The following SLC4A4 variants were observed in gnomAD, a reference collection of about 807,000 sequenced individuals.
SLC4A4 encodes electrogenic sodium bicarbonate cotransporter 1.
Under a neutral mutation model 111.5 loss-of-function variants are expected in SLC4A4, and 27 were observed. The ratio of observed to expected loss-of-function variants is 0.24; its 90% confidence interval spans 0.18 to 0.33. SLC4A4 has a LOEUF of 0.33. SLC4A4 is among the 10% of genes least tolerant of loss of function. The pLI is 1.00. For synonymous variants in SLC4A4, 443 were observed against 463.4 expected, an observed-to-expected ratio of 0.96 and a Z score of 0.57; for missense variants, 909 against 1,315.5, an observed-to-expected ratio of 0.69 and a Z score of 4.78.
chr4:71,313,321 A>G lies in SLC4A4; in HGVS notation c.254-26049A>G, dbSNP rs572332245. 5.9e-5 allele frequency among the ~76,000 whole-genome samples: 9 copies of G among 152,372 alleles called. No individual in the cohort carries two copies. The South Asian group carries it at 1.7e-3, about 28-fold the overall frequency. ...ACAACATTCCATGCTCATGGATACA[A>G]GAATCAATATCGTGAAAATGGCCAT... On this transcript the variant is annotated intron_variant, in intron 3 of 25. Coordinates refer to ENST00000264485, the MANE Select transcript of SLC4A4 (RefSeq NM_001098484.3).
intron 3 of SLC4A4, chr4:71,301,236 G>T: frequency 4.1e-6 from 1 of 243,498 alleles, no homozygotes; most frequent in Non-Finnish European, 8.2e-6. Flanking sequence ...AAGGGGAGTG[G>T]GATTGCAACA....
intron 2 of SLC4A4, among the ~76,000 whole-genome samples, chr4:71,180,318 A>G (rs1369638279): frequency 6.6e-6 from 1 of 152,226 alleles, no homozygotes; most frequent in East Asian, 1.9e-4. Context: ...AAAACACCAA[A>G]AGCAATGGCA....
chr4:71,349,796 A>G (rs1024416637), intron 4 of SLC4A4, 116 bp from the exon 5 acceptor site: 3 of 878,164 alleles, frequency 3.4e-6, no homozygotes, highest in South Asian at 2.9e-5. Flanking sequence ...TTAATACTCC[A>G]CAAAAAGAGA....
chr4:71,269,562 G>A (rs1259716444), intron 3 of SLC4A4, among the ~76,000 whole-genome samples: 1 of 151,812 alleles, frequency 6.6e-6, no homozygotes, highest in Non-Finnish European at 1.5e-5. Flanking sequence ...CTTCTTTTTG[G>A]CATATTGCAT....
chr4:71,175,001 TC>T (rs1317262174), intron 2 of SLC4A4, among the ~76,000 whole-genome samples: 1 of 152,232 alleles, frequency 6.6e-6, no homozygotes, highest in East Asian at 1.9e-4. Flanking sequence ...GGTTAGACAT[TC>T]TAGTCTTGTC....
intron 8 of SLC4A4, among the ~76,000 whole-genome samples, chr4:71,446,351 C>G (rs1725228206): frequency 6.6e-6 from 1 of 152,108 alleles, no homozygotes. Context: ...CCATAAAAAT[C>G]TTACCTAAGA....
At chr4:71,191,242 A>G (rs1745720156) in intron 1 of SLC4A4, among the ~76,000 whole-genome samples, 1 of 152,228 alleles carries the variant, frequency 6.6e-6, no homozygotes, top group Non-Finnish European at 1.5e-5. Context: ...CCCACCGTAC[A>G]TTTAGGAGCC....
intron 16 of SLC4A4, among the ~76,000 whole-genome samples, chr4:71,505,424 G>C (rs986742176): frequency 5.3e-5 from 8 of 150,556 alleles, no homozygotes; most frequent in African/African-American, 1.9e-4. Context: ...TTGCAGTTTT[G>C]ATTTGCATTT....
At chr4:71,081,930 CT>C (rs1480233567) in intron 1 of SLC4A4, among the ~76,000 whole-genome samples, 30 of 152,058 alleles carry the variant, frequency 2.0e-4, no homozygotes, top group Non-Finnish European at 2.8e-4. Flanking sequence ...AAACATATGG[CT>C]GGAATGCCTG....
chr4:71,233,418 T>C (rs1489204906), intron 1 of SLC4A4: 1 of 419,948 alleles, frequency 2.4e-6, no homozygotes, highest in Non-Finnish European at 3.2e-6. Context: ...AGTACTCTCC[T>C]TTTGTCACTT....
intron 3 of SLC4A4, 138 bp downstream of exon 3, chr4:71,255,537 G>A: frequency 1.0e-6 from 1 of 962,586 alleles, no homozygotes; most frequent in Admixed American, 1.7e-5. Flanking sequence ...AAAGGATAAT[G>A]TCTGTGGAGA....
At chr4:71,443,861 A>C (rs974556749) in intron 8 of SLC4A4, among the ~76,000 whole-genome samples, 1 of 152,144 alleles carries the variant, frequency 6.6e-6, no homozygotes, top group Non-Finnish European at 1.5e-5. Flanking sequence ...AAAAACTTAG[A>C]GGGATTGGGA....
Position 71,358,502 on chromosome 4 carries a change from GA to G in SLC4A4, c.730+1320del, listed in dbSNP as rs200459232. Among the ~76,000 whole-genome samples, 834 of 152,220 alleles carry G rather than the reference GA, an allele frequency of 5.5e-3. 2 individuals are homozygous for G. The highest frequency in any genetic ancestry group is 7.1e-3 in the Non-Finnish European group (480 of 68,010). ...TAGTATTAAAGGTAACTGTTGGCTG[GA>G]AAAACACTACAAGCAGATTTTCTGT... is the stretch of plus-strand genomic sequence containing the variant. On this transcript the variant is annotated intron_variant, in intron 6 of 25. Coordinates refer to ENST00000264485, the MANE Select transcript of SLC4A4 (RefSeq NM_001098484.3).
At chr4:71,287,527 T>A (rs1724014649) in intron 3 of SLC4A4, among the ~76,000 whole-genome samples, 1 of 152,230 alleles carries the variant, frequency 6.6e-6, no homozygotes, top group Non-Finnish European at 1.5e-5. Flanking sequence ...GCATTTGACC[T>A]TTCATGCTCA....
At chr4:71,167,390 G>C (rs1296736209) in intron 2 of SLC4A4, among the ~76,000 whole-genome samples, 1 of 152,150 alleles carries the variant, frequency 6.6e-6, no homozygotes, top group Non-Finnish European at 1.5e-5. Flanking sequence ...TTATTCCACT[G>C]TGCTGTATTG....
chr4:71,536,281 C>A lies in SLC4A4; in HGVS notation c.2442+1893C>A, dbSNP rs1437526387. ...CATTCAAGGGGGTGAGGGGGGAATTCTCCTTTTAATGGGGGAATGGCAAGG... is the reference window on the plus strand; with the variant it reads ...CATTCAAGGGGGTGAGGGGGGAATTATCCTTTTAATGGGGGAATGGCAAGG... On this transcript the variant is annotated intron_variant, in intron 18 of 25. Transcript: ENST00000264485. 2.0e-5 allele frequency among the ~76,000 whole-genome samples: 3 copies of A among 150,552 alleles called. No homozygotes were observed. In the South Asian group the frequency reaches 6.4e-4, roughly 32 times the overall value.
intron 16 of SLC4A4, among the ~76,000 whole-genome samples, chr4:71,525,376 T>C (rs1385980831): frequency 2.6e-5 from 4 of 152,154 alleles, no homozygotes; most frequent in Admixed American, 6.6e-5. Context: ...AGTTCAAAAC[T>C]AGTCTGATAT....
chr4:71,120,962 G>A (rs114057917), intron 2 of SLC4A4, among the ~76,000 whole-genome samples: 4,241 of 152,314 alleles, frequency 0.028, 76 homozygotes, highest in Middle Eastern at 0.058. Context: ...GCAGCACGCC[G>A]CCCTCGCGGG....
At chr4:71,410,739 G>T (rs187741263) in intron 7 of SLC4A4, among the ~76,000 whole-genome samples, 62 of 152,118 alleles carry the variant, frequency 4.1e-4, no homozygotes, top group African/African-American at 1.3e-3. Flanking sequence ...TACTAGTGTG[G>T]TTTTTTTGGT....
Sources: gnomAD v4.1 joint callset for allele counts (sites outside exome capture counted in the v4.1 genomes callset) on GRCh38, gnomAD v4.1.1 for gene constraint, MANE v1.5 for transcripts, NCBI Gene and HGNC (gene_info 2026-07-23, HGNC 2026-07-21) for gene names.